PCCB: variants seen among roughly 807,000 people sequenced by gnomAD.
PCCB encodes propionyl-CoA carboxylase subunit beta.
A neutral mutation model predicts 60.7 loss-of-function variants in PCCB; 43 were observed. That is an observed-to-expected ratio of 0.71 (90% CI 0.55 to 0.91). PCCB has a LOEUF of 0.91. Among genes scored for constraint, PCCB ranks in the 40% least tolerant of loss-of-function variants. The probability of loss-of-function intolerance (pLI) is 0.00; values close to 1 mark genes in which losing one functional copy is unlikely to be tolerated. For missense variants in PCCB, 766 were observed against 702.8 expected (o/e 1.09, Z -1.02); for synonymous variants, 276 against 255.9 (o/e 1.08, Z -0.75).
chr3:136,309,435 C>A (rs897557446), intron 9 of PCCB, among the ~76,000 whole-genome samples: 1 of 152,068 alleles, frequency 6.6e-6, no homozygotes, highest in Admixed American at 6.6e-5. Flanking sequence ...TGGCTAACTT[C>A]AAAAAAGAGA....
intron 9 of PCCB, among the ~76,000 whole-genome samples, chr3:136,310,992 C>T (rs1934641554): frequency 6.6e-6 from 1 of 152,148 alleles, no homozygotes; most frequent in Non-Finnish European, 1.5e-5. Flanking sequence ...TAAAGACTAG[C>T]TTCTACTAGG....
intron 5 of PCCB, among the ~76,000 whole-genome samples, chr3:136,263,724 A>C (rs1941893373): frequency 6.6e-6 from 1 of 151,982 alleles, no homozygotes; most frequent in Admixed American, 6.6e-5. Context: ...AAAATTTCAA[A>C]CTTCAGCCTG....
chr3:136,307,246 A>G (rs1934475300), intron 9 of PCCB, among the ~76,000 whole-genome samples: 1 of 101,466 alleles, frequency 9.9e-6, no homozygotes, highest in Non-Finnish European at 2.3e-5. Flanking sequence ...GCTTTATCCA[A>G]TCAAGAGGTA....
chr3:136,303,501 GTT>G lies in PCCB; in HGVS notation c.966+2392_966+2393del, dbSNP rs1331583931. On this transcript the variant is annotated intron_variant, in intron 9 of 14. Coordinates refer to ENST00000251654, the MANE Select transcript of PCCB (RefSeq NM_000532.5). Reference sequence around the variant, plus strand: ...TATATTCTGTTTGCTAATGTTTTGAGTTTCTGCATTGATATTATGTGATACTA... The same window carrying G: ...TATATTCTGTTTGCTAATGTTTTGAGTCTGCATTGATATTATGTGATACTA... Among the ~76,000 whole-genome samples the G allele has an allele frequency of 1.1e-4, 13 of 122,068 alleles. 3 individuals carry two copies. The highest frequency in any genetic ancestry group is 9.1e-5 in the Non-Finnish European group (5 of 54,928). The allele number at this position is 122,068 out of a possible 152,430, so 80.1% of individuals were successfully genotyped here. A position where few individuals can be genotyped will look rare whatever the true frequency, so the allele number is the denominator to read the frequency against.
At chr3:136,276,251 G>T (rs768939173) in intron 5 of PCCB, among the ~76,000 whole-genome samples, 20 of 152,200 alleles carry the variant, frequency 1.3e-4, no homozygotes, top group Non-Finnish European at 2.6e-4. Context: ...CAGTAGGGGA[G>T]CTGTCCCTGG....
rs186790695 is a variant in PCCB at position 136,322,623 on chromosome 3, G to A, written c.1091-4180G>A. Among the ~76,000 whole-genome samples, 5 of 152,308 alleles carry A rather than the reference G, an allele frequency of 3.3e-5. No homozygotes were observed. In the East Asian group the frequency reaches 9.6e-4, roughly 29 times the overall value. ...AATTATGTAGGAAATAAAAAGTGAA[G>A]TTAGAAACCAAAATACTCAAATCCT... On this transcript the variant is annotated intron_variant, in intron 10 of 14. Coordinates refer to ENST00000251654, the MANE Select transcript of PCCB (RefSeq NM_000532.5).
In PCCB at chr3:136,329,881, A is replaced by T. The variant is rs138692481; in HGVS notation, c.1499-24A>T. 2.7e-5 allele frequency: 43 copies of T among 1,613,436 alleles called. No individual in the cohort carries two copies. In the East Asian group the frequency reaches 8.9e-4, roughly 33 times the overall value. On this transcript the variant is annotated intron_variant, in intron 14 of 14. Coordinates refer to ENST00000251654, the MANE Select transcript of PCCB (RefSeq NM_000532.5). ...CATCATCTCGGGATGCAGATGATCC[A>T]CTCCCTTTTCTGTGCTTCACCAGGG...
intron 7 of PCCB, among the ~76,000 whole-genome samples, chr3:136,295,213 C>T (rs1042985927): frequency 6.6e-6 from 1 of 152,180 alleles, no homozygotes; most frequent in Non-Finnish European, 1.5e-5. Context: ...GGCTGGCATG[C>T]CTGATTTATG....
At chr3:136,257,633 C>T (rs1341283584) in intron 3 of PCCB, among the ~76,000 whole-genome samples, 3 of 151,944 alleles carry the variant, frequency 2.0e-5, no homozygotes, top group African/African-American at 2.4e-5. Context: ...TTTTTACAGA[C>T]CTAAAGTTTG....
chr3:136,292,160 T>C (rs1933722554), intron 6 of PCCB, among the ~76,000 whole-genome samples: 2 of 152,304 alleles, frequency 1.3e-5, no homozygotes, highest in Admixed American at 1.3e-4. Context: ...TTTTTCAGCT[T>C]TTTATTTGTT....
At chr3:136,264,874 C>CA (rs1167305370) in intron 5 of PCCB, among the ~76,000 whole-genome samples, 33,612 of 76,396 alleles carry the variant, frequency 0.44, 7,849 homozygotes, top group East Asian at 0.76. Context: ...GACTCCGTCT[C>CA]AAAAAAAAAA....
intron 8 of PCCB, 124 bp from the exon 9 acceptor site, chr3:136,300,906 C>T: frequency 1.4e-6 from 1 of 736,780 alleles, no homozygotes; most frequent in South Asian, 1.5e-5. Flanking sequence ...CTTTGTAAGC[C>T]CAGCAGGGAC....
At chr3:136,287,047 A>T (rs866030889) in intron 6 of PCCB, among the ~76,000 whole-genome samples, 1,750 of 151,630 alleles carry the variant, frequency 0.012, 30 homozygotes, top group East Asian at 0.046. Context: ...AAAAAAAAAA[A>T]TAATAAAAAT....
chr3:136,327,499 C>T (rs1401822936), intron 12 of PCCB, 135 bp from the exon 13 acceptor site: 2 of 767,672 alleles, frequency 2.6e-6, no homozygotes, highest in African/African-American at 3.4e-5. Flanking sequence ...AAAGGTCTTA[C>T]AGACCGTGGG....
At chr3:136,252,832 T>C (rs1941553961) in intron 1 of PCCB, among the ~76,000 whole-genome samples, 1 of 151,568 alleles carries the variant, frequency 6.6e-6, no homozygotes, top group Admixed American at 6.6e-5. Context: ...AATCTGTATA[T>C]ATGTTGCCAA....
chr3:136,299,943 T>C (rs1349005346), intron 8 of PCCB, among the ~76,000 whole-genome samples: 4 of 151,948 alleles, frequency 2.6e-5, no homozygotes, highest in Non-Finnish European at 5.9e-5. Flanking sequence ...TGTATACGCA[T>C]ATGCATACAT....
At position 136,251,343 on chromosome 3, in the gene PCCB, G is replaced by A. The variant is rs186006720; in HGVS notation, c.183+785G>A. 53 of 456,678 alleles carry A rather than the reference G, an allele frequency of 1.2e-4. No individual in the cohort carries two copies. The Admixed American group carries it at 1.2e-3, about 11-fold the overall frequency. 28.3% of individuals were successfully genotyped at this position (456,678 alleles called of 1,614,324 possible). On this transcript the variant is annotated intron_variant, in intron 1 of 14. Coordinates refer to ENST00000251654, the MANE Select transcript of PCCB (RefSeq NM_000532.5). The stretch of plus-strand genomic sequence containing the variant: ...TGCCCAGTGTGTCCGTGACTGGTGG[G>A]TGAGTCTGGACCGTTGTGCTGAACG...
At chr3:136,293,928 C>A in intron 7 of PCCB, 64 bp downstream of exon 7, 1 of 963,710 alleles carries the variant, frequency 1.0e-6, no homozygotes. Flanking sequence ...TGCCAAAGAG[C>A]CTGGTGGCAG....
At chr3:136,268,090 A>ATAGATATATATATATATATG (rs1942068637) in intron 5 of PCCB, among the ~76,000 whole-genome samples, 7 of 59,936 alleles carry the variant, frequency 1.2e-4, no homozygotes, top group Non-Finnish European at 2.0e-4. Context: ...GTGTGTAGAT[A>ATAGATATATATATATATATG]TATATATATA....
Sources: allele counts gnomAD v4.1 joint callset (sites outside exome capture counted in the v4.1 genomes callset), GRCh38; gene constraint gnomAD v4.1.1; transcripts MANE v1.5; gene names NCBI Gene and HGNC (gene_info 2026-07-23, HGNC 2026-07-21).